TYRO3: variants seen among roughly 807,000 people sequenced by gnomAD.
TYRO3 encodes tyrosine-protein kinase receptor TYRO3.
In TYRO3, 38 loss-of-function variants were observed where a neutral mutation model predicts 95.2. The observed-to-expected ratio is 0.40, with a 90% CI of 0.31 to 0.52. The LOEUF (loss-of-function observed/expected upper bound fraction) is 0.52, where lower values mean the gene tolerates loss of function less well. Among genes scored for constraint, TYRO3 ranks in the 20% least tolerant of loss-of-function variants. TYRO3 has a pLI of 0.56. For synonymous variants in TYRO3, 367 were observed against 432.9 expected, an observed-to-expected ratio of 0.85 and a Z score of 1.89; for missense variants, 812 against 1,116.4, an observed-to-expected ratio of 0.73 and a Z score of 3.89.
chr15:41,563,932 C>T (rs1343915365), intron 4 of TYRO3, among the ~76,000 whole-genome samples: 1 of 152,118 alleles, frequency 6.6e-6, no homozygotes, highest in Non-Finnish European at 1.5e-5. Context: ...GCTTATTTAG[C>T]ATGCCGTGCA....
In TYRO3 at chr15:41,565,026, C is replaced by G; in HGVS notation, c.668C>G (p.Ala223Gly). The change falls in exon 6 of 19, where the codon GCA (alanine) becomes GGA (glycine). Residue 223 changes from alanine to glycine, a missense_variant and splice_region_variant. Physicochemically the swap from Ala to Gly is moderately conservative, Grantham distance 60. Transcript: ENST00000263798. ...ACTGATTCTGAGTCCCCGTCCACAGCACTGCCTGCAGCCCCCTTCAACATC... is the reference window on the plus strand; with the variant it reads ...ACTGATTCTGAGTCCCCGTCCACAGGACTGCCTGCAGCCCCCTTCAACATC... ...SSRTATVHLQ[A>G]LPAAPFNITV... The G allele has an allele frequency of 1.2e-6, 2 of 1,608,916 alleles. No homozygotes were observed. Among genetic ancestry groups the G allele is most frequent in the Non-Finnish European group, 1.7e-6 (2 of 1,178,240 alleles).
rs1470307294 is a variant in TYRO3 at position 41,566,035 on chromosome 15, G to C, written c.783+894G>C. On this transcript the variant is annotated intron_variant, in intron 6 of 18. Coordinates refer to ENST00000263798, the MANE Select transcript of TYRO3 (RefSeq NM_006293.4). ...CCATTTAGAGAACCCTACTGAGGTT[G>C]GGCACAGTGGCTTATGCCTGTAATC... Among the ~76,000 whole-genome samples the C allele has an allele frequency of 2.6e-5, 4 of 152,148 alleles. No individual in the cohort carries two copies. In the East Asian group the frequency reaches 7.7e-4, roughly 29 times the overall value.
At chr15:41,572,354 G>A in intron 14 of TYRO3, 89 bp from the exon 15 acceptor site, 1 of 1,516,470 alleles carries the variant, frequency 6.6e-7, no homozygotes, top group Non-Finnish European at 8.9e-7. Context: ...CAGAGCTAGA[G>A]ATGGGACCCA....
intron 6 of TYRO3, among the ~76,000 whole-genome samples, chr15:41,566,819 C>T (rs2055730307): frequency 6.6e-6 from 1 of 152,158 alleles, no homozygotes; most frequent in African/African-American, 2.4e-5. Context: ...AAGAGAGAAA[C>T]TATTTAATAG....
At chr15:41,571,759 C>G in intron 14 of TYRO3, 72 bp downstream of exon 14, 1 of 705,822 alleles carries the variant, frequency 1.4e-6, no homozygotes, top group South Asian at 1.7e-5. Context: ...GAGATGGCAG[C>G]CTATAGGAGA....
chr15:41,568,857 G>T (rs747597184), intron 8 of TYRO3, 21 bp from the exon 9 acceptor site: 1 of 1,607,654 alleles, frequency 6.2e-7, no homozygotes, highest in South Asian at 1.1e-5. Flanking sequence ...ACTATGGGGT[G>T]GGGGCTTTTC....
chr15:41,567,269 G>A, intron 6 of TYRO3, 91 bp from the exon 7 acceptor site: 5 of 1,124,768 alleles, frequency 4.4e-6, no homozygotes, highest in Non-Finnish European at 5.9e-6. Context: ...GATAGAGGAA[G>A]CATTCATTCA....
intron 2 of TYRO3, 96 bp downstream of exon 2, chr15:41,561,406 A>G: frequency 6.7e-7 from 1 of 1,490,900 alleles, no homozygotes; most frequent in Non-Finnish European, 9.1e-7. Flanking sequence ...CCTGATGCCC[A>G]GAGGTCTGTG....
intron 12 of TYRO3, 66 bp from the exon 13 acceptor site, chr15:41,570,972 T>C (rs2055787944): frequency 6.5e-7 from 1 of 1,530,170 alleles, no homozygotes; most frequent in African/African-American, 1.4e-5. Flanking sequence ...GGAGGGTCAC[T>C]TGGGAGGAAG....
intron 4 of TYRO3, among the ~76,000 whole-genome samples, chr15:41,562,961 A>G (rs1266910935): frequency 2.6e-5 from 4 of 152,186 alleles, no homozygotes; most frequent in African/African-American, 9.6e-5. Context: ...CCTTTGGTTC[A>G]CAGCAGTCCA....
At chr15:41,574,006 C>T (rs541957221) in intron 18 of TYRO3, among the ~76,000 whole-genome samples, 191 bp downstream of exon 18, 8 of 152,304 alleles carry the variant, frequency 5.3e-5, no homozygotes, top group South Asian at 4.1e-4. Flanking sequence ...CCCCCTTTCC[C>T]ATCCCAGATT....
Position 41,562,576 on chromosome 15 carries a change from A to C in TYRO3, c.438A>C (p.Lys146Asn). The change falls in exon 4 of 19, where the codon AAA (lysine) becomes AAC (asparagine). Residue 146 changes from lysine to asparagine, a missense_variant. Lys to Asn is a moderately conservative substitution (Grantham distance 94). Transcript: ENST00000263798. The part of the protein sequence containing the change: ...EGVPFFTVEP[K>N]DLAVPPNAPF... Reference sequence around the variant, plus strand: ...TGCCATTTTTCACAGTGGAGCCAAAAGATCTGGCAGTGCCACCCAATGCCC... The same window carrying C: ...TGCCATTTTTCACAGTGGAGCCAAACGATCTGGCAGTGCCACCCAATGCCC... 4 of 1,613,022 alleles carry C rather than the reference A, an allele frequency of 2.5e-6. No individual in the cohort carries two copies. Among genetic ancestry groups the C allele is most frequent in the Non-Finnish European group, 3.4e-6 (4 of 1,180,034 alleles).
In TYRO3 at chr15:41,573,453, G is replaced by A. The variant is rs1456366732; in HGVS notation, c.2131G>A (p.Val711Met). The change falls in exon 17 of 19, where the codon GTG becomes ATG. Residue 711 changes from valine to methionine, a missense_variant. By Grantham distance (21) the Val-to-Met change is conservative. Coordinates refer to ENST00000263798, the MANE Select transcript of TYRO3 (RefSeq NM_006293.4). ...GAGCCTGGCCGACAACCTGTATACT[G>A]TGCAGAGTGACGTGGTGAGCAGGGT... is the stretch of plus-strand genomic sequence containing the variant. ...LESLADNLYT[V>M]QSDVWAFGVT... 6.2e-7 allele frequency: 1 copy of A among 1,614,140 alleles called. No individual in the cohort carries two copies. The highest frequency in any genetic ancestry group is 8.5e-7 in the Non-Finnish European group (1 of 1,180,058).
rs960545782 is a variant in TYRO3 at position 41,562,536 on chromosome 15, C to T, written c.410-12C>T. The T allele has an allele frequency of 6.7e-7, 1 of 1,484,922 alleles. No individual in the cohort carries two copies. Among genetic ancestry groups the T allele is most frequent in the Non-Finnish European group, 9.2e-7 (1 of 1,090,020 alleles). The allele number at this position is 1,484,922 out of a possible 1,614,324, so 92.0% of individuals were successfully genotyped here. On this transcript the variant is annotated splice_polypyrimidine_tract_variant and intron_variant, in intron 3 of 18. Transcript: ENST00000263798. Reference sequence around the variant, plus strand: ...GTGGCAGGGCTCACTCCTCACTCCCCTTCTCTCCTAGGTGTGCCATTTTTC... The same window carrying T: ...GTGGCAGGGCTCACTCCTCACTCCCTTTCTCTCCTAGGTGTGCCATTTTTC...
intron 5 of TYRO3, chr15:41,564,702 G>T: frequency 2.6e-6 from 1 of 389,098 alleles, no homozygotes; most frequent in Non-Finnish European, 4.8e-6. Context: ...TGGCTGCAGG[G>T]GCAGCTGCCT....
At chr15:41,562,331 CAAA>C (rs11363130) in intron 3 of TYRO3, 4,315 of 173,024 alleles carry the variant, frequency 0.025, no homozygotes, top group Middle Eastern at 0.047. Flanking sequence ...CGACCAATCT[CAAA>C]AAAAAAAAAA....
chr15:41,572,321 AAAT>A (rs2055806607), intron 14 of TYRO3, 119 bp from the exon 15 acceptor site: 24 of 1,415,756 alleles, frequency 1.7e-5, no homozygotes, highest in Non-Finnish European at 2.3e-5. Flanking sequence ...GCCTGTGAAA[AAAT>A]AAAAAATAAA....
At position 41,570,611 on chromosome 15, in the gene TYRO3, C is replaced by G; in HGVS notation, c.1491C>G (p.Ser497Arg). Residue 497 changes from serine to arginine, a missense_variant, in exon 12 of 19, where the codon AGC becomes AGG. Ser to Arg is a moderately radical substitution (Grantham distance 110, BLOSUM62 -1). Coordinates refer to ENST00000263798, the MANE Select transcript of TYRO3 (RefSeq NM_006293.4). Reference sequence around the variant, plus strand: ...CAAACCCTTTCCCCACAGTGGACAGCTTGGGCATCAGCGATGAACTAAAGG... The same window carrying G: ...CAAACCCTTTCCCCACAGTGGACAGGTTGGGCATCAGCGATGAACTAAAGG... Reference protein sequence around the residue: ...RPERIEATLDSLGISDELKEK... With the variant: ...RPERIEATLDRLGISDELKEK... The G allele has an allele frequency of 6.2e-7, 1 of 1,614,108 alleles. No homozygotes were observed. The highest frequency in any genetic ancestry group is 1.7e-5 in the Admixed American group (1 of 60,030).
chr15:41,559,354 C>T lies in TYRO3; in HGVS notation c.97C>T (p.Leu33=). The change falls in exon 1 of 19, where the codon CTG becomes TTG. Residue 33 remains leucine, a synonymous_variant. Coordinates refer to ENST00000263798, the MANE Select transcript of TYRO3 (RefSeq NM_006293.4). ...LGLLLAALAS[L]LLPESAAAGL... ...GCTGCTGCTGGCGGCTCTGGCTTCT[C>T]TGCTGCTCCCGGAGTCCGCCGCCGC... 4.5e-6 allele frequency: 1 copy of T among 221,220 alleles called. No individual in the cohort carries two copies. The highest frequency in any genetic ancestry group is 4.5e-5 in the East Asian group (1 of 22,436). The allele number at this position is 221,220 out of a possible 1,614,324, so 13.7% of individuals were successfully genotyped here.
Sources: gnomAD v4.1 joint callset for allele counts (sites outside exome capture counted in the v4.1 genomes callset) on GRCh38, gnomAD v4.1.1 for gene constraint, MANE v1.5 for transcripts, NCBI Gene and HGNC (gene_info 2026-07-23, HGNC 2026-07-21) for gene names.